The following TMEM178A variants were observed in gnomAD, a reference collection of about 807,000 sequenced individuals.
The protein encoded by TMEM178A is transmembrane protein 178.
A neutral mutation model predicts 29.1 loss-of-function variants in TMEM178A; 12 were observed. That is an observed-to-expected ratio of 0.41 (90% CI 0.26 to 0.67). The LOEUF is 0.67. TMEM178A is among the 30% of genes least tolerant of loss of function. The pLI, the probability that TMEM178A is intolerant of heterozygous loss-of-function variation, is 0.29. For missense variants in TMEM178A, 366 were observed against 419.1 expected (o/e 0.87, Z 1.11); for synonymous variants, 210 against 187.2 (o/e 1.12, Z -0.99).
rs142449818 is a variant in TMEM178A, at chr2:39,688,088, A to G, written c.401-15993A>G. Reference sequence around the variant, plus strand: ...TATAGCATACTTTTAGTAAGTTATTATCAGTCCTGTTTAATTATGTGGCCT... The same window carrying G: ...TATAGCATACTTTTAGTAAGTTATTGTCAGTCCTGTTTAATTATGTGGCCT... On this transcript the variant is annotated intron_variant, in intron 1 of 3. Coordinates refer to ENST00000281961, the MANE Select transcript of TMEM178A (RefSeq NM_152390.3). Among the ~76,000 whole-genome samples the G allele has an allele frequency of 2.5e-3, 388 of 152,386 alleles. 5 individuals carry two copies. Among genetic ancestry groups the G allele is most frequent in the African/African-American group, 8.8e-3 (366 of 41,598 alleles).
intron 1 of TMEM178A, 127 bp downstream of exon 1, chr2:39,666,501 C>A: frequency 3.1e-6 from 2 of 651,048 alleles, no homozygotes; most frequent in Non-Finnish European, 4.1e-6. Flanking sequence ...ATTCTTGCAT[C>A]CTTCCCGCCG....
chr2:39,708,504 C>G (rs1302275682), intron 3 of TMEM178A, among the ~76,000 whole-genome samples: 8 of 146,622 alleles, frequency 5.5e-5, no homozygotes, highest in Admixed American at 6.9e-5. Context: ...CTGCAAGCTC[C>G]GCCTCCCGGG....
the TMEM178A span, among the ~76,000 whole-genome samples, chr2:39,730,826 T>C: frequency 3.9e-5 from 6 of 152,334 alleles, 1 homozygote; most frequent in East Asian, 1.2e-3. Flanking sequence ...AGGAGTGATA[T>C]AGTAACAGGT....
chr2:39,720,561 A>C (rs1268994054), downstream of TMEM178A, among the ~76,000 whole-genome samples: 1 of 152,120 alleles, frequency 6.6e-6, no homozygotes, highest in African/African-American at 2.4e-5. Flanking sequence ...CATTGCTTCA[A>C]ATCCTTTCCT....
At chr2:39,696,417 C>T (rs968445880) in intron 1 of TMEM178A, among the ~76,000 whole-genome samples, 6 of 152,184 alleles carry the variant, frequency 3.9e-5, no homozygotes, top group South Asian at 2.1e-4. Flanking sequence ...CATAATCCAT[C>T]GCTGACATTA....
At chr2:39,715,959 T>C (rs546027676) in intron 3 of TMEM178A, among the ~76,000 whole-genome samples, 2 of 152,308 alleles carry the variant, frequency 1.3e-5, no homozygotes, top group South Asian at 4.1e-4. Flanking sequence ...CTCTTTTCAG[T>C]TTCAAAATCT....
At chr2:39,693,901 A>T (rs1176828509) in intron 1 of TMEM178A, among the ~76,000 whole-genome samples, 1 of 151,822 alleles carries the variant, frequency 6.6e-6, no homozygotes, top group Admixed American at 6.6e-5. Flanking sequence ...CCAATGACAG[A>T]TTCCACTGTT....
At chr2:39,704,711 A>C (rs1224808532) in intron 2 of TMEM178A, among the ~76,000 whole-genome samples, 1 of 152,222 alleles carries the variant, frequency 6.6e-6, no homozygotes, top group Non-Finnish European at 1.5e-5. Flanking sequence ...GTGAAACTCT[A>C]GAAAGCATCA....
intron 3 of TMEM178A, among the ~76,000 whole-genome samples, chr2:39,711,138 C>T (rs185937519): frequency 6.6e-6 from 1 of 152,314 alleles, no homozygotes; most frequent in Admixed American, 6.5e-5. Context: ...CACACACAGG[C>T]ACAGAAGCAT....
At chr2:39,693,584 G>A (rs1284835171) in intron 1 of TMEM178A, among the ~76,000 whole-genome samples, 2 of 152,144 alleles carry the variant, frequency 1.3e-5, no homozygotes, top group African/African-American at 4.8e-5. Flanking sequence ...AAAGAATAGT[G>A]TCTCTACATT....
chr2:39,722,683 G>C (rs993750786), downstream of TMEM178A, among the ~76,000 whole-genome samples: 50 of 152,216 alleles, frequency 3.3e-4, no homozygotes, highest in African/African-American at 1.1e-3. Flanking sequence ...AATCACAGCA[G>C]ATAGACTATT....
At chr2:39,695,692 G>A (rs1671510189) in intron 1 of TMEM178A, among the ~76,000 whole-genome samples, 2 of 151,844 alleles carry the variant, frequency 1.3e-5, no homozygotes, top group Non-Finnish European at 2.9e-5. Context: ...GTTGGAGGTA[G>A]GGATAGATGG....
At chr2:39,684,255 C>T (rs1415226682) in intron 1 of TMEM178A, among the ~76,000 whole-genome samples, 1 of 152,088 alleles carries the variant, frequency 6.6e-6, no homozygotes, top group Non-Finnish European at 1.5e-5. Flanking sequence ...TAGGGCCATT[C>T]ATGCTGACTT....
the TMEM178A span, among the ~76,000 whole-genome samples, chr2:39,734,322 C>G: frequency 2.0e-5 from 3 of 152,206 alleles, no homozygotes; most frequent in South Asian, 2.1e-4. Context: ...ACCCTTTATT[C>G]ATGTCTTCCA....
rs538566523 is a variant in TMEM178A at position 39,708,579 on chromosome 2, C to T, written c.652+1393C>T. Among the ~76,000 whole-genome samples, 1,327 of 150,906 alleles carry T rather than the reference C, an allele frequency of 8.8e-3. 19 individuals are homozygous for T. Among genetic ancestry groups the T allele is most frequent in the African/African-American group, 0.03 (1,215 of 41,098 alleles). On this transcript the variant is annotated intron_variant, in intron 3 of 3. Coordinates refer to ENST00000281961, the MANE Select transcript of TMEM178A (RefSeq NM_152390.3). ...GACTACAGGCGCGCGCCACCATGCCCGGCTAATTTTTGTATTTTTAGTAGA... is the reference window on the plus strand; with the variant it reads ...GACTACAGGCGCGCGCCACCATGCCTGGCTAATTTTTGTATTTTTAGTAGA...
intron 3 of TMEM178A, 110 bp from the exon 4 acceptor site, chr2:39,716,900 G>T: frequency 7.7e-7 from 1 of 1,292,826 alleles, no homozygotes; most frequent in Non-Finnish European, 1.1e-6. Context: ...TTGTGAATTT[G>T]GAGTGACTGC....
At chr2:39,691,264 C>T (rs1488878320) in intron 1 of TMEM178A, among the ~76,000 whole-genome samples, 1 of 152,074 alleles carries the variant, frequency 6.6e-6, no homozygotes, top group African/African-American at 2.4e-5. Flanking sequence ...TTCTCTGAGA[C>T]ATATCATAAT....
chr2:39,666,392 C>T lies in TMEM178A; in HGVS notation c.400+18C>T. On this transcript the variant is annotated intron_variant, in intron 1 of 3. Transcript: ENST00000281961. ...CCTGAAAGGTGAGCGGCGGGCGCAC[C>T]CCGCGTCCCCGGCGCCCGCGCGTGG... 1 of 1,327,382 alleles carries T rather than the reference C, an allele frequency of 7.5e-7. No individual in the cohort carries two copies. Among genetic ancestry groups the T allele is most frequent in the South Asian group, 1.9e-5 (1 of 51,664 alleles). 82.2% of individuals were successfully genotyped at this position (1,327,382 alleles called of 1,614,324 possible).
the TMEM178A span, among the ~76,000 whole-genome samples, chr2:39,734,707 A>C: frequency 6.6e-6 from 1 of 152,198 alleles, no homozygotes; most frequent in Non-Finnish European, 1.5e-5. Flanking sequence ...GAGTGTCTAG[A>C]CTAGCAAGTC....
Sources: allele counts gnomAD v4.1 joint callset (sites outside exome capture counted in the v4.1 genomes callset), GRCh38; gene constraint gnomAD v4.1.1; transcripts MANE v1.5; gene names NCBI Gene and HGNC (gene_info 2026-07-23, HGNC 2026-07-21).